DLG2: variants seen among roughly 807,000 people sequenced by gnomAD.
DLG2 encodes disks large homolog 2.
A neutral mutation model predicts 132.5 loss-of-function variants in DLG2; 45 were observed. The observed-to-expected ratio is 0.34, with a 90% confidence interval of 0.27 to 0.44. The LOEUF (loss-of-function observed/expected upper bound fraction) is 0.44, where lower values mean the gene tolerates loss of function less well. DLG2 is among the 20% of genes least tolerant of loss of function. DLG2 has a pLI of 1.00. For synonymous variants in DLG2, 424 were observed against 419.6 expected, an observed-to-expected ratio of 1.01 and a Z score of -0.13; for missense variants, 1,045 against 1,196.9, an observed-to-expected ratio of 0.87 and a Z score of 1.87.
At chr11:85,435,654 A>G (rs1368310726) in intron 3 of DLG2, among the ~76,000 whole-genome samples, 1 of 152,222 alleles carries the variant, frequency 6.6e-6, no homozygotes, top group Non-Finnish European at 1.5e-5. Flanking sequence ...GCTCAAGGAA[A>G]TAAGAGAGGA....
chr11:83,869,129 A>G (rs138907541), intron 16 of DLG2, among the ~76,000 whole-genome samples: 1 of 152,320 alleles, frequency 6.6e-6, no homozygotes, highest in African/African-American at 2.4e-5. Flanking sequence ...AAAATCACAC[A>G]GTAAGAAATG....
intron 9 of DLG2, among the ~76,000 whole-genome samples, chr11:84,137,923 TC>T (rs113941317): frequency 0.077 from 11,721 of 152,190 alleles, 533 homozygotes; most frequent in African/African-American, 0.12. Flanking sequence ...GTGAGAAACA[TC>T]CCCTTAGAAA....
intron 7 of DLG2, among the ~76,000 whole-genome samples, chr11:84,442,157 A>G (rs1002839688): frequency 6.6e-6 from 1 of 152,182 alleles, no homozygotes; most frequent in Non-Finnish European, 1.5e-5. Flanking sequence ...TCTGTGAAGA[A>G]AGTCAATGAT....
Position 83,459,877 on chromosome 11 carries a change from G to C in DLG2, c.2869C>G (p.Leu957Val). 6.2e-7 allele frequency: 1 copy of C among 1,611,728 alleles called. No individual in the cohort carries two copies. The highest frequency in any genetic ancestry group is 8.5e-7 in the Non-Finnish European group (1 of 1,177,912). The change falls in exon 28 of 28, where the codon CTT (leucine) becomes GTT (valine). Residue 957 changes from leucine (L) to valine (V), a missense_variant. By Grantham distance (32) the Leu-to-Val change is conservative (BLOSUM62 1). Coordinates refer to ENST00000376104, the MANE Select transcript of DLG2 (RefSeq NM_001142699.3). ...TLEDIYNQCK[L>V]VIEEQSGPFI... ...GGCCCAGATTGCTCTTCAATAACAA[G>C]CTTGCATTGGTTATATATATCTTCT...
chr11:84,219,388 T>A (rs928003942), intron 8 of DLG2, among the ~76,000 whole-genome samples: 1 of 152,212 alleles, frequency 6.6e-6, no homozygotes, highest in Non-Finnish European at 1.5e-5. Context: ...AAGAGACCTA[T>A]CTTTAAATAG....
rs562707909 is a variant in DLG2 at position 85,453,649 on chromosome 11, C to T, written c.40+145008G>A. 2.0e-5 allele frequency: 3 copies of T among 152,962 alleles called. No homozygotes were observed. In the South Asian group the frequency reaches 6.2e-4, roughly 32 times the overall value. 9.5% of individuals were successfully genotyped at this position (152,962 alleles called of 1,614,324 possible). A position where few individuals can be genotyped will look rare whatever the true frequency, so the allele number is the denominator to read the frequency against. ...TATCATTGCCATATAATGCATCAAG[C>T]TCTCCAAGAGTGTGCTCTGCCTAAA... On this transcript the variant is annotated intron_variant, in intron 3 of 27. Transcript: ENST00000376104.
chr11:84,421,860 A>G (rs1190194584), intron 7 of DLG2, among the ~76,000 whole-genome samples: 1 of 152,100 alleles, frequency 6.6e-6, no homozygotes, highest in Non-Finnish European at 1.5e-5. Flanking sequence ...CTCGGAATGA[A>G]TCCCTCACCG....
intron 17 of DLG2, chr11:83,814,498 C>G (rs1015697421): frequency 2.4e-5 from 5 of 212,206 alleles, no homozygotes; most frequent in African/African-American, 1.2e-4. Flanking sequence ...TGTTTCTGTG[C>G]TCCTTTACAA....
At chr11:85,430,957 G>T (rs944711029) in intron 3 of DLG2, among the ~76,000 whole-genome samples, 12 of 151,720 alleles carry the variant, frequency 7.9e-5, no homozygotes, top group African/African-American at 2.9e-4. Context: ...GAGTGACAGA[G>T]CGAGACTCTG....
At chr11:84,058,155 A>T (rs879540781) in intron 11 of DLG2, among the ~76,000 whole-genome samples, 1 of 152,116 alleles carries the variant, frequency 6.6e-6, no homozygotes, top group East Asian at 1.9e-4. Context: ...TTATTTTTTC[A>T]ATCTCATATA....
At chr11:85,113,377 A>G (rs766748772) in intron 5 of DLG2, among the ~76,000 whole-genome samples, 6 of 152,056 alleles carry the variant, frequency 3.9e-5, no homozygotes. Flanking sequence ...ACGGGTGCAT[A>G]AATAAGGTGT....
chr11:84,468,528 T>C (rs1325630776), intron 7 of DLG2, among the ~76,000 whole-genome samples: 1 of 151,564 alleles, frequency 6.6e-6, no homozygotes, highest in Non-Finnish European at 1.5e-5. Flanking sequence ...TACCACATTC[T>C]TATATCTTTG....
intron 3 of DLG2, among the ~76,000 whole-genome samples, chr11:85,520,878 A>T (rs551976169): frequency 1.3e-5 from 2 of 152,264 alleles, no homozygotes; most frequent in Non-Finnish European, 2.9e-5. Context: ...CGGATTAAAG[A>T]CTTAAATACC....
intron 4 of DLG2, among the ~76,000 whole-genome samples, chr11:85,284,834 ATTCTTGCCC>A (rs918940328): frequency 8.6e-5 from 13 of 151,544 alleles, no homozygotes; most frequent in Non-Finnish European, 1.8e-4. Context: ...ATCATTTTAT[ATTCTTGCCC>A]CAGGATATGT....
At chr11:84,512,284 C>G (rs1247719080) in intron 7 of DLG2, among the ~76,000 whole-genome samples, 1 of 152,062 alleles carries the variant, frequency 6.6e-6, no homozygotes, top group African/African-American at 2.4e-5. Context: ...CTCTGCCTGT[C>G]CACAGATTTC....
chr11:83,578,419 T>C (rs981004978), intron 19 of DLG2, among the ~76,000 whole-genome samples: 2 of 152,060 alleles, frequency 1.3e-5, no homozygotes, highest in East Asian at 1.9e-4. Flanking sequence ...CCAACAATCA[T>C]GTCAACTGTA....
At chr11:84,112,352 C>G (rs564053224) in intron 9 of DLG2, among the ~76,000 whole-genome samples, 1,157 of 98,802 alleles carry the variant, frequency 0.012, 10 homozygotes, top group Non-Finnish European at 0.018. Flanking sequence ...TTTTTTACCA[C>G]TTTTATGACT....
chr11:85,370,330 T>C (rs1241427879), intron 3 of DLG2, among the ~76,000 whole-genome samples: 1 of 152,220 alleles, frequency 6.6e-6, no homozygotes, highest in African/African-American at 2.4e-5. Flanking sequence ...TGTAAACTTT[T>C]GCCTAGAGTT....
chr11:85,074,423 G>A (rs992138776), intron 6 of DLG2, among the ~76,000 whole-genome samples: 1 of 151,784 alleles, frequency 6.6e-6, no homozygotes, highest in Non-Finnish European at 1.5e-5. Flanking sequence ...TATATAATGA[G>A]CAGGGAGGAA....
Sources: allele counts gnomAD v4.1 joint callset (sites outside exome capture counted in the v4.1 genomes callset), GRCh38; gene constraint gnomAD v4.1.1; transcripts MANE v1.5; gene names NCBI Gene and HGNC (gene_info 2026-07-23, HGNC 2026-07-21).